GPC5: variants seen among roughly 807,000 people sequenced by gnomAD.
The protein encoded by GPC5 is glypican 5.
GPC5 carries 47 observed loss-of-function variants against 53.9 expected under a neutral mutation model. That is an observed-to-expected ratio of 0.87 (90% CI 0.69 to 1.11). The LOEUF is 1.11. Among genes scored for constraint, GPC5 ranks in the 50% most tolerant of loss-of-function variants. The pLI is 0.00. For missense variants in GPC5, 748 were observed against 713.1 expected, an observed-to-expected ratio of 1.05 and a Z score of -0.56; for synonymous variants, 286 against 263.3, an observed-to-expected ratio of 1.09 and a Z score of -0.84.
intron 7 of GPC5, among the ~76,000 whole-genome samples, chr13:92,485,304 A>C (rs993911118): frequency 1.3e-5 from 2 of 152,226 alleles, no homozygotes; most frequent in African/African-American, 4.8e-5. Flanking sequence ...CTTACTAATT[A>C]AATGTTATTA....
rs531099670 is a variant in GPC5, at chr13:92,319,481, G to A, written c.1561+174492G>A. Among the ~76,000 whole-genome samples, 9 of 148,830 alleles carry A rather than the reference G, an allele frequency of 6.0e-5. No homozygotes were observed. In the South Asian group the frequency reaches 6.4e-4, roughly 11 times the overall value. On this transcript the variant is annotated intron_variant, in intron 7 of 7. Coordinates refer to ENST00000377067, the MANE Select transcript of GPC5 (RefSeq NM_004466.6). ...TAAGATGGAAATGTATTCTTTATAA[G>A]ATCACTTACCCCTACCTCCACTGTG...
intron 2 of GPC5, among the ~76,000 whole-genome samples, chr13:91,682,412 A>G (rs1029476434): frequency 4.6e-5 from 7 of 152,220 alleles, no homozygotes; most frequent in Admixed American, 4.6e-4. Flanking sequence ...TACCATGTAC[A>G]AATTCATTTA....
At chr13:92,145,940 G>A (rs772483019) in intron 7 of GPC5, among the ~76,000 whole-genome samples, 35 of 152,056 alleles carry the variant, frequency 2.3e-4, no homozygotes, top group Non-Finnish European at 4.4e-4. Context: ...TTAAAAGCAC[G>A]ATAAATGCTT....
intron 2 of GPC5, among the ~76,000 whole-genome samples, chr13:91,650,750 G>GTTTTGTTTTT (rs1555333961): frequency 3.0e-5 from 3 of 99,596 alleles, no homozygotes; most frequent in African/African-American, 1.2e-4. Flanking sequence ...ATTCCCATAA[G>GTTTTGTTTTT]TTTTTTTTTT....
intron 7 of GPC5, among the ~76,000 whole-genome samples, chr13:92,685,341 C>T (rs1887230636): frequency 6.6e-6 from 1 of 151,964 alleles, no homozygotes; most frequent in Admixed American, 6.6e-5. Context: ...GTGATCCACC[C>T]TCCTCAGCCT....
chr13:91,603,699 C>T (rs181980899), intron 2 of GPC5, among the ~76,000 whole-genome samples: 65 of 152,148 alleles, frequency 4.3e-4, no homozygotes, highest in African/African-American at 1.5e-3. Context: ...GAGTCATTTA[C>T]TCTTTTTTTT....
chr13:92,086,259 T>C (rs1257491295), intron 6 of GPC5, among the ~76,000 whole-genome samples: 1 of 152,218 alleles, frequency 6.6e-6, no homozygotes, highest in African/African-American at 2.4e-5. Context: ...ATGTCTATTT[T>C]CCAGGAGGAC....
chr13:91,846,630 A>C (rs1316851491), intron 5 of GPC5, among the ~76,000 whole-genome samples: 8 of 151,762 alleles, frequency 5.3e-5, no homozygotes. Context: ...TTTTTACTGA[A>C]GACAAAAAGG....
intron 7 of GPC5, among the ~76,000 whole-genome samples, chr13:92,145,249 A>G (rs1407456171): frequency 6.6e-6 from 1 of 152,180 alleles, no homozygotes; most frequent in Non-Finnish European, 1.5e-5. Context: ...AAGGTTTGAA[A>G]GTGGAATAAC....
At chr13:92,660,879 G>T (rs1354093976) in intron 7 of GPC5, among the ~76,000 whole-genome samples, 2 of 151,938 alleles carry the variant, frequency 1.3e-5, no homozygotes, top group Non-Finnish European at 2.9e-5. Context: ...TGGAACTAAA[G>T]AATTGAATTT....
At chr13:92,424,803 TATTCATCTATTCATTC>T (rs769456126) in intron 7 of GPC5, among the ~76,000 whole-genome samples, 26 of 136,170 alleles carry the variant, frequency 1.9e-4, no homozygotes, top group Admixed American at 5.3e-4. Context: ...CACAAATCAA[TATTCATCTATTCATTC>T]ATTCATTCAT....
intron 7 of GPC5, among the ~76,000 whole-genome samples, chr13:92,858,968 T>C (rs971067743): frequency 3.3e-5 from 5 of 152,158 alleles, no homozygotes; most frequent in African/African-American, 1.2e-4. Flanking sequence ...TGACCTGGTG[T>C]GTGGCTCACA....
chr13:91,687,456 T>C (rs984291870), intron 2 of GPC5, among the ~76,000 whole-genome samples: 2 of 152,046 alleles, frequency 1.3e-5, no homozygotes, highest in African/African-American at 4.8e-5. Context: ...GGAATGTTAA[T>C]GTCGAAAATG....
chr13:91,554,666 T>C (rs2138853525), intron 2 of GPC5, among the ~76,000 whole-genome samples: 1 of 152,248 alleles, frequency 6.6e-6, no homozygotes, highest in South Asian at 2.1e-4. Context: ...TCTGGTATAT[T>C]AGAGTCAGTG....
At chr13:91,516,678 C>A (rs1032143541) in intron 2 of GPC5, among the ~76,000 whole-genome samples, 1 of 152,222 alleles carries the variant, frequency 6.6e-6, no homozygotes, top group African/African-American at 2.4e-5. Context: ...CCAACAGGGA[C>A]TCTGTGTGGG....
intron 7 of GPC5, among the ~76,000 whole-genome samples, chr13:92,531,309 A>C (rs917090811): frequency 6.6e-6 from 1 of 152,078 alleles, no homozygotes; most frequent in Non-Finnish European, 1.5e-5. Context: ...TGAATAATAC[A>C]TGCTTGAATA....
chr13:92,425,747 A>G (rs1048075436), intron 7 of GPC5, among the ~76,000 whole-genome samples: 2 of 152,046 alleles, frequency 1.3e-5, no homozygotes, highest in African/African-American at 4.8e-5. Context: ...AGGAAAGATA[A>G]TTGTTCATTT....
intron 7 of GPC5, among the ~76,000 whole-genome samples, chr13:92,373,083 T>C (rs1286412964): frequency 2.6e-5 from 4 of 152,190 alleles, no homozygotes; most frequent in African/African-American, 9.7e-5. Context: ...TAAGTATATA[T>C]ATTATTTTGT....
chr13:91,659,005 T>G (rs1310979941), intron 2 of GPC5, among the ~76,000 whole-genome samples: 2 of 152,186 alleles, frequency 1.3e-5, no homozygotes, highest in Admixed American at 1.3e-4. Context: ...TTTTTTACTA[T>G]TTGTAATCTG....
Sources: allele counts gnomAD v4.1 joint callset (sites outside exome capture counted in the v4.1 genomes callset), GRCh38; gene constraint gnomAD v4.1.1; transcripts MANE v1.5; gene names NCBI Gene and HGNC (gene_info 2026-07-23, HGNC 2026-07-21).